The following CRB1 variants were observed in gnomAD, a reference collection of about 807,000 sequenced individuals.
The protein encoded by CRB1 is protein crumbs homolog 1.
Under a neutral mutation model 120.0 loss-of-function variants are expected in CRB1, and 83 were observed. The observed-to-expected ratio is 0.69, with a 90% CI of 0.58 to 0.83. The LOEUF is 0.83. CRB1 is among the 40% of genes least tolerant of loss of function. The pLI is 0.00. For synonymous variants in CRB1, 625 were observed against 612.5 expected (o/e 1.02, Z -0.30); for missense variants, 1,699 against 1,687.6 (o/e 1.01, Z -0.12).
intron 5 of CRB1, among the ~76,000 whole-genome samples, chr1:197,410,126 C>T (rs942601113): frequency 2.0e-5 from 3 of 152,176 alleles, no homozygotes; most frequent in African/African-American, 7.2e-5. Context: ...TTTTCTAGTT[C>T]TCAGCTGTCA....
intron 5 of CRB1, among the ~76,000 whole-genome samples, chr1:197,397,887 A>T (rs942972487): frequency 6.6e-6 from 1 of 152,178 alleles, no homozygotes; most frequent in Non-Finnish European, 1.5e-5. Flanking sequence ...TTGTGGTGGT[A>T]GTCGCACAGT....
intron 4 of CRB1, among the ~76,000 whole-genome samples, chr1:197,354,687 C>A (rs1366276848): frequency 6.6e-6 from 1 of 151,920 alleles, no homozygotes; most frequent in Admixed American, 6.5e-5. Flanking sequence ...AGTGTGGACC[C>A]AAACAGTGGG....
intron 1 of CRB1, among the ~76,000 whole-genome samples, chr1:197,290,106 CT>C (rs2125235839): frequency 6.6e-6 from 1 of 151,616 alleles, no homozygotes; most frequent in African/African-American, 2.4e-5. Flanking sequence ...TATTTTGAGT[CT>C]TTCTTCAAGA....
intron 5 of CRB1, among the ~76,000 whole-genome samples, chr1:197,375,217 C>T (rs1661582412): frequency 6.6e-6 from 1 of 152,120 alleles, no homozygotes; most frequent in Admixed American, 6.6e-5. Context: ...AGACACTAAA[C>T]TCTTGGGTCA....
intron 11 of CRB1, among the ~76,000 whole-genome samples, chr1:197,474,012 G>T (rs1393906406): frequency 1.3e-5 from 2 of 152,152 alleles, no homozygotes; most frequent in Non-Finnish European, 2.9e-5. Flanking sequence ...ATATGAGGCT[G>T]GGAATTGCAA....
chr1:197,319,278 A>AAAAAAAAAAAAAT lies in CRB1; in HGVS notation c.71-9144_71-9143insAAAAAAAAAAAAT, dbSNP rs1230106700. ...CTCTACTAAAAAAAAAAAAAAAAAA[A>AAAAAAAAAAAAAT]TTAGCCGGACGTGGTGGCGGGTGCC... On this transcript the variant is annotated intron_variant, in intron 1 of 11. Transcript: ENST00000367400. Among the ~76,000 whole-genome samples, 195 of 141,992 alleles carry AAAAAAAAAAAAAT rather than the reference A, an allele frequency of 1.4e-3. 5 individuals carry two copies. Among genetic ancestry groups the AAAAAAAAAAAAAT allele is most frequent in the African/African-American group, 4.9e-3 (187 of 38,190 alleles). The allele number at this position is 141,992 out of a possible 152,430, so 93.2% of individuals were successfully genotyped here.
chr1:197,382,414 A>G (rs1662001861), intron 5 of CRB1, among the ~76,000 whole-genome samples: 1 of 152,210 alleles, frequency 6.6e-6, no homozygotes, highest in Non-Finnish European at 1.5e-5. Flanking sequence ...GAATAGATAA[A>G]TGAATTCAGA....
chr1:197,453,864 A>G (rs1238100445), intron 11 of CRB1, among the ~76,000 whole-genome samples: 2 of 138,514 alleles, frequency 1.4e-5, no homozygotes, highest in Admixed American at 7.5e-5. Context: ...AATATATATT[A>G]ATATTATTAA....
chr1:197,250,222 A>G, the CRB1 span, among the ~76,000 whole-genome samples: 1 of 152,024 alleles, frequency 6.6e-6, no homozygotes, highest in South Asian at 2.1e-4. Context: ...ATTTATATTG[A>G]TGTGTAGTGT....
In CRB1 at chr1:197,421,785, A is replaced by T. The variant is rs781549185; in HGVS notation, c.1957A>T (p.Ile653Phe). 3 of 1,614,232 alleles carry T rather than the reference A, an allele frequency of 1.9e-6. No individual in the cohort carries two copies. Among genetic ancestry groups the T allele is most frequent in the East Asian group, 2.2e-5 (1 of 44,882 alleles). ...LQDIKIDWNHITLENISSGSS... is the reference protein window; with the variant it reads ...LQDIKIDWNHFTLENISSGSS... ...AGACATTAAAATTGATTGGAATCAC[A>T]TTACCCTGGAGAACATCTCGTCTGG... is the stretch of plus-strand genomic sequence containing the variant. Residue 653 changes from isoleucine (I) to phenylalanine (F), a missense_variant, in exon 6 of 12, where the codon ATT becomes TTT. Transcript: ENST00000367400.
chr1:197,215,071 A>G, the CRB1 span, among the ~76,000 whole-genome samples: 2 of 152,334 alleles, frequency 1.3e-5, 1 homozygote, highest in East Asian at 3.9e-4. Flanking sequence ...AGGAAAAAAC[A>G]TGATCATTTC....
At chr1:197,264,388 G>A (rs1415373371), upstream of CRB1, among the ~76,000 whole-genome samples, 1 of 152,018 alleles carries the variant, frequency 6.6e-6, no homozygotes, top group East Asian at 1.9e-4. Flanking sequence ...GGACATTTAG[G>A]TTAGTTCTAT....
intron 11 of CRB1, among the ~76,000 whole-genome samples, chr1:197,454,797 G>A (rs1246723960): frequency 6.6e-6 from 1 of 152,090 alleles, no homozygotes; most frequent in Non-Finnish European, 1.5e-5. Flanking sequence ...TGGACTTACG[G>A]AAACCGGTTT....
At chr1:197,216,051 A>G in the CRB1 span, among the ~76,000 whole-genome samples, 2 of 152,144 alleles carry the variant, frequency 1.3e-5, no homozygotes, top group African/African-American at 4.8e-5. Flanking sequence ...AATTTCTTAA[A>G]CTTAACAGCA....
the CRB1 span, among the ~76,000 whole-genome samples, chr1:197,240,757 A>G: frequency 1.3e-5 from 2 of 152,134 alleles, no homozygotes; most frequent in Admixed American, 6.5e-5. Context: ...GTCAAATGGT[A>G]TTTCTGGTTC....
At chr1:197,262,674 T>C in the CRB1 span, among the ~76,000 whole-genome samples, 17 of 152,106 alleles carry the variant, frequency 1.1e-4, no homozygotes, top group Non-Finnish European at 2.4e-4. Context: ...TTTTCAGCCC[T>C]TCACCCCCTT....
At chr1:197,351,386 AG>A (rs1218287389) in intron 4 of CRB1, among the ~76,000 whole-genome samples, 3 of 140,908 alleles carry the variant, frequency 2.1e-5, no homozygotes, top group African/African-American at 8.0e-5. Flanking sequence ...AAAAAAAAAA[AG>A]GAGAAGAAAA....
chr1:197,329,012 G>C lies in CRB1; in HGVS notation c.652+9G>C. The C allele has an allele frequency of 6.2e-7, 1 of 1,603,724 alleles. No individual in the cohort carries two copies. The highest frequency in any genetic ancestry group is 8.5e-7 in the Non-Finnish European group (1 of 1,174,532). ...TCCCCACAATTATTCTGGTAAGTGT[G>C]ATCATATCTGAATCACAGATGGTGT... On this transcript the variant is annotated intron_variant, in intron 2 of 11. Coordinates refer to ENST00000367400, the MANE Select transcript of CRB1 (RefSeq NM_201253.3).
chr1:197,212,738 A>C, the CRB1 span, among the ~76,000 whole-genome samples: 3 of 152,196 alleles, frequency 2.0e-5, no homozygotes, highest in East Asian at 5.8e-4. Flanking sequence ...AAATGTACAC[A>C]GAGTACTGTA....
Sources: allele counts gnomAD v4.1 joint callset (sites outside exome capture counted in the v4.1 genomes callset), GRCh38; gene constraint gnomAD v4.1.1; transcripts MANE v1.5; gene names NCBI Gene and HGNC (gene_info 2026-07-23, HGNC 2026-07-21).